The following RAD54L2 variants were observed in gnomAD, a reference collection of about 807,000 sequenced individuals.
The protein encoded by RAD54L2 is helicase ARIP4.
RAD54L2 carries 27 observed loss-of-function variants against 138.4 expected under a neutral mutation model. The ratio of observed to expected loss-of-function variants is 0.20; its 90% CI spans 0.14 to 0.27. The LOEUF (loss-of-function observed/expected upper bound fraction) is 0.27, where lower values mean the gene tolerates loss of function less well. Among genes scored for constraint, RAD54L2 ranks in the 10% least tolerant of loss-of-function variants. The pLI is 1.00. For synonymous variants in RAD54L2, 644 were observed against 723.2 expected (o/e 0.89, Z 1.76); for missense variants, 1,396 against 1,890.2 (o/e 0.74, Z 4.85).
At chr3:51,551,428 T>C (rs1698834500) in intron 2 of RAD54L2, among the ~76,000 whole-genome samples, 1 of 149,228 alleles carries the variant, frequency 6.7e-6, no homozygotes, top group African/African-American at 2.5e-5. Context: ...CCATCATGCC[T>C]GGCCTAATTT....
chr3:51,578,955 G>C (rs114583116), intron 2 of RAD54L2, among the ~76,000 whole-genome samples: 147 of 152,274 alleles, frequency 9.7e-4, no homozygotes, highest in Non-Finnish European at 1.7e-3. Context: ...TTTTATTGCT[G>C]ATGAAAGTGG....
Position 51,645,863 on chromosome 3 carries a change from G to C in RAD54L2, c.2829+100G>C. On this transcript the variant is annotated intron_variant, in intron 18 of 22. Transcript: ENST00000684192. This position sits in a 1 kb window ranked among gnomAD's most constrained non-coding sequence, Gnocchi z 6.1. ...TTCTTCATCTGAGGTGATGTTTCATGCAGGTGACTTGGACTCAAGGACTTC... is the reference window on the plus strand; with the variant it reads ...TTCTTCATCTGAGGTGATGTTTCATCCAGGTGACTTGGACTCAAGGACTTC... 1 of 1,286,306 alleles carries C rather than the reference G, an allele frequency of 7.8e-7. No homozygotes were observed. Among genetic ancestry groups the C allele is most frequent in the South Asian group, 1.6e-5 (1 of 63,698 alleles). 79.7% of individuals were successfully genotyped at this position (1,286,306 alleles called of 1,614,324 possible).
intron 2 of RAD54L2, among the ~76,000 whole-genome samples, chr3:51,567,485 C>T (rs1699243637): frequency 6.6e-6 from 1 of 151,950 alleles, no homozygotes; most frequent in African/African-American, 2.4e-5. Flanking sequence ...AATAATTTTA[C>T]AGGCTTTTGC....
rs569276754 is a variant in RAD54L2 at position 51,668,655 on chromosome 3, A to C, written c.*5235A>C. The C allele has an allele frequency of 6.6e-6, 1 of 152,342 alleles. No individual in the cohort carries two copies. Among genetic ancestry groups the C allele is most frequent in the South Asian group, 2.1e-4 (1 of 4,832 alleles). The allele number at this position is 152,342 out of a possible 1,614,324, so 9.4% of individuals were successfully genotyped here. A position where few individuals can be genotyped will look rare whatever the true frequency, so the allele number is the denominator to read the frequency against. ...TCTCTTTTTGTAAAATAAAATTTAA[A>C]CTCAAGAAGGCAGTGTTGTTTGATC... is the stretch of plus-strand genomic sequence containing the variant. On this transcript the variant is annotated 3_prime_UTR_variant, in exon 23 of 23. Coordinates refer to ENST00000684192, the MANE Select transcript of RAD54L2 (RefSeq NM_015106.4).
At chr3:51,608,781 G>T (rs942819598) in intron 3 of RAD54L2, among the ~76,000 whole-genome samples, 1 of 152,236 alleles carries the variant, frequency 6.6e-6, no homozygotes, top group African/African-American at 2.4e-5. Context: ...CGGCAGTACA[G>T]TCCAGCCTCG....
Position 51,662,381 on chromosome 3 carries a change from C to T in RAD54L2, c.3410-45C>T. ...GAGTTTTCTCCTCTACCCTTCTTCT[C>T]TCCCTGGCCACTCTGATTCTCAGTT... is the stretch of plus-strand genomic sequence containing the variant. On this transcript the variant is annotated intron_variant, in intron 22 of 22. Coordinates refer to ENST00000684192, the MANE Select transcript of RAD54L2 (RefSeq NM_015106.4). The surrounding 1 kb of genome is among the most constrained non-coding windows in gnomAD (Gnocchi z 4.6). 2 of 1,464,640 alleles carry T rather than the reference C, an allele frequency of 1.4e-6. No individual in the cohort carries two copies. The highest frequency in any genetic ancestry group is 9.1e-7 in the Non-Finnish European group (1 of 1,097,744). The allele number at this position is 1,464,640 out of a possible 1,614,324, so 90.7% of individuals were successfully genotyped here.
Position 51,657,586 on chromosome 3 carries a change from T to G in RAD54L2, c.3233T>G (p.Val1078Gly). ...VQKVVTTTDI[V>G]IPGLNSSTDV... Reference sequence around the variant, plus strand: ...AGATCTGTGTTTTTCCTAGATATTGTTATTCCTGGACTCAACAGCTCCACA... The same window carrying G: ...AGATCTGTGTTTTTCCTAGATATTGGTATTCCTGGACTCAACAGCTCCACA... The change falls in exon 21 of 23, where the codon GTT becomes GGT. Residue 1078 changes from valine (V) to glycine (G), a missense_variant. By Grantham distance (109) the Val-to-Gly change is moderately radical (BLOSUM62 -3). Transcript: ENST00000684192. 6.4e-7 allele frequency: 1 copy of G among 1,564,756 alleles called. No homozygotes were observed. Among genetic ancestry groups the G allele is most frequent in the Non-Finnish European group, 8.7e-7 (1 of 1,148,320 alleles).
At chr3:51,660,283 T>C (rs1701729031) in intron 22 of RAD54L2, among the ~76,000 whole-genome samples, 165 bp downstream of exon 22, 1 of 152,130 alleles carries the variant, frequency 6.6e-6, no homozygotes. Context: ...TGTGGTTTTT[T>C]TTTTTGTTTC....
chr3:51,663,304 G>C lies in RAD54L2; in HGVS notation c.4288G>C (p.Gly1430Arg). ...MSPHAGYPAG[G>R]LLRSQVPPFD... ...CCCACATGCAGGCTACCCAGCTGGT[G>C]GCCTCCTACGGTCCCAGGTGCCTCC... is the stretch of plus-strand genomic sequence containing the variant. Residue 1430 changes from glycine to arginine, a missense_variant, in exon 23 of 23, where the codon GGC becomes CGC. Coordinates refer to ENST00000684192, the MANE Select transcript of RAD54L2 (RefSeq NM_015106.4). 6.2e-7 allele frequency: 1 copy of C among 1,613,920 alleles called. No homozygotes were observed. The highest frequency in any genetic ancestry group is 1.1e-5 in the South Asian group (1 of 91,074).
intron 21 of RAD54L2, among the ~76,000 whole-genome samples, chr3:51,658,541 T>G (rs971558562): frequency 9.9e-4 from 151 of 152,298 alleles, no homozygotes; most frequent in African/African-American, 3.2e-3. Context: ...AAGCCTGTTT[T>G]TTTCCCCTCT....
intron 21 of RAD54L2, among the ~76,000 whole-genome samples, chr3:51,658,314 G>A (rs1701661844): frequency 1.3e-5 from 2 of 151,834 alleles, no homozygotes; most frequent in Admixed American, 1.3e-4. Flanking sequence ...GCGGTGGAAT[G>A]GGTTATAAGC....
At position 51,645,782 on chromosome 3, in the gene RAD54L2, T is replaced by C; in HGVS notation, c.2829+19T>C. 1.3e-6 allele frequency: 2 copies of C among 1,594,836 alleles called. No homozygotes were observed. The highest frequency in any genetic ancestry group is 1.7e-6 in the Non-Finnish European group (2 of 1,171,156). On this transcript the variant is annotated intron_variant, in intron 18 of 22. Coordinates refer to ENST00000684192, the MANE Select transcript of RAD54L2 (RefSeq NM_015106.4). This position sits in a 1 kb window ranked among gnomAD's most constrained non-coding sequence, Gnocchi z 6.1. ...CACCAAGGTAAGAACTTGGTATGCATGCAATCCCCAGAGTGGCAGTCTCTC... is the reference window on the plus strand; with the variant it reads ...CACCAAGGTAAGAACTTGGTATGCACGCAATCCCCAGAGTGGCAGTCTCTC...
At chr3:51,571,068 G>A (rs150842140) in intron 2 of RAD54L2, among the ~76,000 whole-genome samples, 1,897 of 152,272 alleles carry the variant, frequency 0.012, 25 homozygotes, top group Non-Finnish European at 0.021. Flanking sequence ...TGATACACCC[G>A]CCTCAGCCTC....
At chr3:51,544,934 T>C (rs1475166791) in intron 2 of RAD54L2, among the ~76,000 whole-genome samples, 3 of 152,122 alleles carry the variant, frequency 2.0e-5, no homozygotes, top group Admixed American at 6.6e-5. Context: ...ACTAGGATAT[T>C]GTGAATTTTG....
intron 2 of RAD54L2, among the ~76,000 whole-genome samples, chr3:51,574,690 GTTGT>G (rs1190411340): frequency 4.6e-5 from 7 of 152,102 alleles, no homozygotes; most frequent in Admixed American, 2.6e-4. Context: ...TTTTGATGGG[GTTGT>G]TTGATTTTTT....
At chr3:51,545,790 A>G (rs1698676986) in intron 2 of RAD54L2, among the ~76,000 whole-genome samples, 1 of 151,914 alleles carries the variant, frequency 6.6e-6, no homozygotes, top group African/African-American at 2.4e-5. Context: ...TATGTTGCGC[A>G]GGCTGGTCTC....
intron 5 of RAD54L2, among the ~76,000 whole-genome samples, chr3:51,629,724 G>A (rs915413973): frequency 5.3e-5 from 8 of 152,070 alleles, no homozygotes; most frequent in Non-Finnish European, 8.8e-5. Context: ...TTAGCCGGGC[G>A]TGGTGGCGTG....
intron 2 of RAD54L2, among the ~76,000 whole-genome samples, chr3:51,563,203 A>G (rs1699138956): frequency 6.6e-6 from 1 of 152,142 alleles, no homozygotes; most frequent in Non-Finnish European, 1.5e-5. Flanking sequence ...AAGCTTCCAC[A>G]TTGGTAAGCT....
intron 2 of RAD54L2, among the ~76,000 whole-genome samples, chr3:51,563,654 G>A (rs1040471904): frequency 6.6e-6 from 1 of 152,092 alleles, no homozygotes; most frequent in Non-Finnish European, 1.5e-5. Context: ...TAATACCGTA[G>A]CATTTGCTTT....
Sources: allele counts gnomAD v4.1 joint callset (sites outside exome capture counted in the v4.1 genomes callset), GRCh38; gene constraint gnomAD v4.1.1; non-coding constraint Gnocchi (gnomAD v3.1); transcripts MANE v1.5; gene names NCBI Gene and HGNC (gene_info 2026-07-23, HGNC 2026-07-21).